SCN3A: variants seen among roughly 807,000 people sequenced by gnomAD.
The protein encoded by SCN3A is sodium voltage-gated channel alpha subunit 3, also known as sodium channel protein type 3 subunit alpha.
Under a neutral mutation model 187.6 loss-of-function variants are expected in SCN3A, and 60 were observed. That is an observed-to-expected ratio of 0.32 (90% CI 0.26 to 0.40). The LOEUF is 0.40. SCN3A is among the 10% of genes least tolerant of loss of function. The pLI, the probability that SCN3A is intolerant of heterozygous loss-of-function variation, is 1.00. For synonymous variants in SCN3A, 788 were observed against 829.2 expected, an observed-to-expected ratio of 0.95 and a Z score of 0.85; for missense variants, 1,601 against 2,428.2, an observed-to-expected ratio of 0.66 and a Z score of 7.16.
chr2:165,190,478 T>G (rs931156223), intron 1 of SCN3A, among the ~76,000 whole-genome samples: 2 of 149,266 alleles, frequency 1.3e-5, no homozygotes, highest in Non-Finnish European at 3.0e-5. Flanking sequence ...TGTCTTGAGA[T>G]TCCTATTGCA....
chr2:165,142,193 G>C (rs1273596400), intron 12 of SCN3A, among the ~76,000 whole-genome samples: 1 of 152,080 alleles, frequency 6.6e-6, no homozygotes, highest in East Asian at 1.9e-4. Flanking sequence ...TATGTCAGCA[G>C]CAAACATTCC....
chr2:165,171,495 G>T lies in SCN3A; in HGVS notation c.265-947C>A, dbSNP rs555414431. On this transcript the variant is annotated intron_variant, in intron 3 of 27. Coordinates refer to ENST00000283254, the MANE Select transcript of SCN3A (RefSeq NM_006922.4). ...CCTGAATATTAGGCTGTCCTGTAAA[G>T]ATTTTAAAATTGCCAATTGAATGAA... 6.6e-5 allele frequency among the ~76,000 whole-genome samples: 10 copies of T among 152,132 alleles called. No individual in the cohort carries two copies. In the East Asian group the frequency reaches 1.4e-3, roughly 21 times the overall value.
chr2:165,134,228 T>A (rs114839425), intron 15 of SCN3A, among the ~76,000 whole-genome samples: 17 of 152,352 alleles, frequency 1.1e-4, no homozygotes, highest in African/African-American at 3.8e-4. Context: ...AACATTTATT[T>A]TTTAACTCAA....
At chr2:165,155,610 G>A in intron 10 of SCN3A, 152 bp downstream of exon 10, 6 of 775,018 alleles carry the variant, frequency 7.7e-6, no homozygotes, top group Middle Eastern at 3.6e-4. Context: ...TGTTGTTCAG[G>A]CTGGTCTCGA....
Position 165,113,062 on chromosome 2 carries a change from T to A in SCN3A, c.3670-4A>T. ...CAATGTATATATCTTCAAAGGCCTA[T>A]GAATCAAAAATATTTTATTTTACTT... On this transcript the variant is annotated splice_polypyrimidine_tract_variant and splice_region_variant and intron_variant, in intron 20 of 27. Transcript: ENST00000283254. 1 of 1,607,344 alleles carries A rather than the reference T, an allele frequency of 6.2e-7. No individual in the cohort carries two copies. Among genetic ancestry groups the A allele is most frequent in the Non-Finnish European group, 8.5e-7 (1 of 1,175,356 alleles).
At chr2:165,162,474 G>A in intron 8 of SCN3A, 82 bp downstream of exon 8, 1 of 1,594,382 alleles carries the variant, frequency 6.3e-7, no homozygotes, top group Non-Finnish European at 8.6e-7. Flanking sequence ...TACAAAGGTG[G>A]CTGTACACCC....
chr2:165,104,199 T>A (rs1465876185), intron 21 of SCN3A, among the ~76,000 whole-genome samples: 2 of 151,994 alleles, frequency 1.3e-5, no homozygotes, highest in Admixed American at 1.3e-4. Context: ...AATAATAATT[T>A]AAAATTTTGT....
At chr2:165,196,816 A>G (rs1180089074) in intron 1 of SCN3A, among the ~76,000 whole-genome samples, 1 of 152,158 alleles carries the variant, frequency 6.6e-6, no homozygotes, top group Non-Finnish European at 1.5e-5. Context: ...CTTTTAAAAA[A>G]TTAAAAATCA....
intron 3 of SCN3A, among the ~76,000 whole-genome samples, chr2:165,175,553 C>T (rs144941613): frequency 6.6e-6 from 1 of 151,708 alleles, no homozygotes; most frequent in African/African-American, 2.4e-5. Context: ...ATACATGATC[C>T]AGAATCTAGC....
chr2:165,141,520 A>G (rs1257592267), intron 12 of SCN3A, among the ~76,000 whole-genome samples: 3 of 152,080 alleles, frequency 2.0e-5, no homozygotes, highest in East Asian at 1.9e-4. Context: ...AAAAACTACT[A>G]TTTTTCCATT....
At chr2:165,202,195 G>A (rs1225441617) in intron 1 of SCN3A, among the ~76,000 whole-genome samples, 1 of 152,032 alleles carries the variant, frequency 6.6e-6, no homozygotes, top group African/African-American at 2.4e-5. Context: ...ATTTTTGAAA[G>A]AGCGCATTTT....
intron 1 of SCN3A, among the ~76,000 whole-genome samples, chr2:165,196,640 C>A (rs1691984595): frequency 6.6e-6 from 1 of 152,036 alleles, no homozygotes; most frequent in Non-Finnish European, 1.5e-5. Context: ...GAATGAGATT[C>A]TTTTTAAGAA....
Position 165,176,151 on chromosome 2 carries a change from G to A in SCN3A, c.244C>T (p.Pro82Ser), listed in dbSNP as rs759649419. The change falls in exon 3 of 28, where the codon CCC becomes TCC. Residue 82 changes from proline (P) to serine (S), a missense_variant. By Grantham distance (74) the Pro-to-Ser change is moderately conservative (BLOSUM62 -1). Transcript: ENST00000283254. ...MVSEPLEDLD[P>S]YYINKKTFIV... The stretch of plus-strand genomic sequence containing the variant: ...CTCACTTTCTTATTGATATAGTAGG[G>A]ATCCAGGTCCTCCAGGGGCTCTGAC... The A allele has an allele frequency of 6.2e-7, 1 of 1,613,662 alleles. No homozygotes were observed. Among genetic ancestry groups the A allele is most frequent in the Non-Finnish European group, 8.5e-7 (1 of 1,179,668 alleles).
At chr2:165,161,910 T>C (rs1466656462) in intron 9 of SCN3A, among the ~76,000 whole-genome samples, 2 of 152,208 alleles carry the variant, frequency 1.3e-5, no homozygotes, top group Non-Finnish European at 2.9e-5. Flanking sequence ...GACCACATTA[T>C]AGTCTGGGTC....
intron 15 of SCN3A, among the ~76,000 whole-genome samples, chr2:165,132,106 A>G (rs1687365385): frequency 6.6e-6 from 1 of 152,172 alleles, no homozygotes; most frequent in East Asian, 1.9e-4. Flanking sequence ...GAGAACTACA[A>G]ACCACTGCTC....
chr2:165,138,827 T>G (rs758635438), intron 14 of SCN3A, among the ~76,000 whole-genome samples: 8 of 152,192 alleles, frequency 5.3e-5, no homozygotes, highest in Non-Finnish European at 1.0e-4. Flanking sequence ...TGACATATAA[T>G]TGATCTAAAA....
At chr2:165,135,157 A>T (rs1363738433) in intron 15 of SCN3A, among the ~76,000 whole-genome samples, 1 of 152,038 alleles carries the variant, frequency 6.6e-6, no homozygotes, top group Admixed American at 6.6e-5. Context: ...ACCTACTATG[A>T]TTGATAGGCT....
At chr2:165,146,368 TTA>T (rs145037221) in intron 12 of SCN3A, among the ~76,000 whole-genome samples, 83 of 108,286 alleles carry the variant, frequency 7.7e-4, no homozygotes, top group East Asian at 3.1e-3. Flanking sequence ...CTAGTGTAGG[TTA>T]TATATATATA....
intron 18 of SCN3A, among the ~76,000 whole-genome samples, chr2:165,124,836 G>A (rs1185556614): frequency 1.3e-5 from 2 of 152,004 alleles, no homozygotes; most frequent in Admixed American, 6.5e-5. Context: ...CATTGCTACC[G>A]AATGATTATC....
Sources: gnomAD v4.1 joint callset for allele counts (sites outside exome capture counted in the v4.1 genomes callset) on GRCh38, gnomAD v4.1.1 for gene constraint, MANE v1.5 for transcripts, NCBI Gene and HGNC (gene_info 2026-07-23, HGNC 2026-07-21) for gene names.